The following PGM2L1 variants were observed in gnomAD, a reference collection of about 807,000 sequenced individuals.
PGM2L1 encodes the protein glucose 1,6-bisphosphate synthase.
A neutral mutation model predicts 73.4 loss-of-function variants in PGM2L1; 35 were observed. The observed-to-expected ratio is 0.48, with a 90% CI of 0.36 to 0.63. The LOEUF (loss-of-function observed/expected upper bound fraction) is 0.63. PGM2L1 is among the 30% of genes least tolerant of loss of function. The pLI is 0.00. For synonymous variants in PGM2L1, 225 were observed against 253.8 expected (o/e 0.89, Z 1.08); for missense variants, 570 against 742.0 (o/e 0.77, Z 2.69).
At chr11:74,347,057 G>A (rs749565252) in intron 7 of PGM2L1, 91 bp downstream of exon 7, 103 of 1,136,524 alleles carry the variant, frequency 9.1e-5, no homozygotes, top group Non-Finnish European at 1.2e-4. Flanking sequence ...AGTCCTTTCT[G>A]CTTTTGTAAG....
intron 1 of PGM2L1, 121 bp downstream of exon 1, chr11:74,397,930 T>C: frequency 7.3e-7 from 1 of 1,375,578 alleles, no homozygotes; most frequent in Non-Finnish European, 9.4e-7. Flanking sequence ...CCTGCTCCGC[T>C]GCCCCCCGCT....
chr11:74,346,054 C>T (rs1185558462), intron 8 of PGM2L1, among the ~76,000 whole-genome samples: 1 of 151,794 alleles, frequency 6.6e-6, no homozygotes, highest in African/African-American at 2.4e-5. Context: ...CACCTGAGGT[C>T]AGGAGTTCGA....
At chr11:74,383,842 T>TATATATATATATATAA (rs1484974192) in intron 1 of PGM2L1, among the ~76,000 whole-genome samples, 2 of 146,794 alleles carry the variant, frequency 1.4e-5, no homozygotes, top group Non-Finnish European at 1.5e-5. Context: ...TATATATATA[T>TATATATATATATATAA]AACATTTTCT....
At chr11:74,351,035 T>G (rs1386456898) in intron 6 of PGM2L1, among the ~76,000 whole-genome samples, 2 of 152,236 alleles carry the variant, frequency 1.3e-5, no homozygotes, top group African/African-American at 4.8e-5. Flanking sequence ...TCTATAGATT[T>G]GCCTATTCTA....
At chr11:74,341,942 T>A (rs924283822) in intron 12 of PGM2L1, among the ~76,000 whole-genome samples, 2 of 152,122 alleles carry the variant, frequency 1.3e-5, no homozygotes, top group Non-Finnish European at 2.9e-5. Context: ...TGCCATGACA[T>A]CTGTAAGCTG....
chr11:74,385,073 C>A lies in PGM2L1; in HGVS notation c.112-10491G>T, dbSNP rs1565445650. Among the ~76,000 whole-genome samples the A allele has an allele frequency of 2.6e-5, 4 of 152,212 alleles. No homozygotes were observed. In the South Asian group the frequency reaches 8.3e-4, roughly 31 times the overall value. ...CTGGAATTTCCTTCTTCTTCCAAAT[C>A]TTAAACTGGAAACTCTTGACTAACA... On this transcript the variant is annotated intron_variant, in intron 1 of 13. Coordinates refer to ENST00000298198, the MANE Select transcript of PGM2L1 (RefSeq NM_173582.6).
intron 13 of PGM2L1, among the ~76,000 whole-genome samples, chr11:74,337,894 C>T (rs946662846): frequency 5.9e-5 from 9 of 152,138 alleles, no homozygotes; most frequent in Non-Finnish European, 1.0e-4. Flanking sequence ...GCAGTTCACT[C>T]CTAGGTATAT....
intron 1 of PGM2L1, among the ~76,000 whole-genome samples, chr11:74,389,192 G>A (rs1863055194): frequency 6.6e-6 from 1 of 152,170 alleles, no homozygotes; most frequent in Non-Finnish European, 1.5e-5. Flanking sequence ...TTGAGCCCAG[G>A]AGGCTGCAGT....
intron 5 of PGM2L1, among the ~76,000 whole-genome samples, chr11:74,365,327 A>G (rs1261204358): frequency 2.0e-5 from 3 of 151,930 alleles, no homozygotes; most frequent in Non-Finnish European, 4.4e-5. Context: ...TGTCTAAAAC[A>G]CCAAAAGCAA....
At position 74,368,542 on chromosome 11, in the gene PGM2L1, C is replaced by T; in HGVS notation, c.505G>A (p.Gly169Ser). Reference sequence around the variant, plus strand: ...TTGTGAGAGGCAGTAATCATCACACCTGCAACTGCTTTGAGCTTCTGAACT... The same window carrying T: ...TTGTGAGAGGCAGTAATCATCACACTTGCAACTGCTTTGAGCTTCTGAACT... ...YAVQKLKAVAGVMITASHNRK... is the reference protein window; with the variant it reads ...YAVQKLKAVASVMITASHNRK... Residue 169 changes from glycine (G) to serine (S), a missense_variant, in exon 5 of 14, where the codon GGT (glycine) becomes AGT (serine). Gly to Ser is a moderately conservative substitution (Grantham distance 56). Coordinates refer to ENST00000298198, the MANE Select transcript of PGM2L1 (RefSeq NM_173582.6). 1 of 1,613,892 alleles carries T rather than the reference C, an allele frequency of 6.2e-7. No individual in the cohort carries two copies. Among genetic ancestry groups the T allele is most frequent in the Non-Finnish European group, 8.5e-7 (1 of 1,179,850 alleles).
In PGM2L1 at chr11:74,334,770, C is replaced by T. The variant is rs542491831; in HGVS notation, c.*1882G>A. ...TGAAATAAATTCTCTAATTACAGTG[C>T]TATCTCCCATAAGCAATTTGTTTAG... On this transcript the variant is annotated 3_prime_UTR_variant, in exon 14 of 14. Coordinates refer to ENST00000298198, the MANE Select transcript of PGM2L1 (RefSeq NM_173582.6). 6.6e-6 allele frequency: 1 copy of T among 152,264 alleles called. No individual in the cohort carries two copies. The highest frequency in any genetic ancestry group is 2.4e-5 in the African/African-American group (1 of 41,548). The allele number at this position is 152,264 out of a possible 1,614,324, so 9.4% of individuals were successfully genotyped here.
intron 5 of PGM2L1, among the ~76,000 whole-genome samples, chr11:74,362,137 G>A (rs1862574196): frequency 6.6e-6 from 1 of 152,168 alleles, no homozygotes; most frequent in South Asian, 2.1e-4. Flanking sequence ...AATGTTAAGG[G>A]CAGCCAGAGA....
chr11:74,362,270 A>G (rs754263696), intron 5 of PGM2L1, among the ~76,000 whole-genome samples: 12 of 152,338 alleles, frequency 7.9e-5, no homozygotes, highest in East Asian at 3.9e-4. Context: ...AGAATTTTCA[A>G]CCCAGAATTT....
At chr11:74,377,228 G>A (rs541403021) in intron 1 of PGM2L1, among the ~76,000 whole-genome samples, 2 of 150,926 alleles carry the variant, frequency 1.3e-5, no homozygotes, top group East Asian at 2.0e-4. Flanking sequence ...TCCGCCTCCC[G>A]GGTTCACACC....
intron 4 of PGM2L1, 145 bp from the exon 5 acceptor site, chr11:74,368,720 G>T: frequency 1.0e-5 from 6 of 585,912 alleles, no homozygotes; most frequent in Non-Finnish European, 1.2e-5. Flanking sequence ...CTATTTACTT[G>T]ATTTTTCCTC....
chr11:74,367,245 T>A (rs1862674779), intron 5 of PGM2L1, among the ~76,000 whole-genome samples: 1 of 152,146 alleles, frequency 6.6e-6, no homozygotes, highest in East Asian at 1.9e-4. Context: ...TTTTGAGGTG[T>A]CTGTTAGACA....
At chr11:74,355,152 G>A in intron 5 of PGM2L1, 16 of 1,381,534 alleles carry the variant, frequency 1.2e-5, no homozygotes, top group Non-Finnish European at 1.5e-5. Flanking sequence ...TGGTGGTGGT[G>A]GATATGGTGG....
chr11:74,342,162 T>C (rs1015561743), intron 12 of PGM2L1, among the ~76,000 whole-genome samples: 2 of 152,208 alleles, frequency 1.3e-5, no homozygotes, highest in Non-Finnish European at 2.9e-5. Context: ...GCTGATCTCC[T>C]ATTTCAGTAT....
intron 12 of PGM2L1, among the ~76,000 whole-genome samples, chr11:74,340,993 G>C (rs907701384): frequency 6.6e-6 from 1 of 152,200 alleles, no homozygotes; most frequent in Non-Finnish European, 1.5e-5. Flanking sequence ...GAGGTATAGG[G>C]AATAAGGTTG....
Sources: allele counts gnomAD v4.1 joint callset (sites outside exome capture counted in the v4.1 genomes callset), GRCh38; gene constraint gnomAD v4.1.1; transcripts MANE v1.5; gene names NCBI Gene and HGNC (gene_info 2026-07-23, HGNC 2026-07-21).